IL1RAPL1: variants seen among roughly 807,000 people sequenced by gnomAD.
The protein encoded by IL1RAPL1 is interleukin-1 receptor accessory protein-like 1.
In IL1RAPL1, 3 loss-of-function variants were observed where a neutral mutation model predicts 48.4. The observed-to-expected ratio is 0.06, with a 90% confidence interval of 0.03 to 0.16. The LOEUF (loss-of-function observed/expected upper bound fraction) is 0.16, where lower values mean the gene tolerates loss of function less well. IL1RAPL1 is among the 10% of genes least tolerant of loss of function. The probability of loss-of-function intolerance (pLI) is 1.00; values close to 1 mark genes in which losing one functional copy is unlikely to be tolerated. For synonymous variants in IL1RAPL1, 185 were observed against 187.7 expected, an observed-to-expected ratio of 0.99 and a Z score of 0.12; for missense variants, 349 against 530.6, an observed-to-expected ratio of 0.66 and a Z score of 3.36.
At chrX:28,906,842 A>G (rs1425487264) in intron 2 of IL1RAPL1, among the ~76,000 whole-genome samples, 1 of 112,106 alleles carries the variant, frequency 8.9e-6, no homozygotes, top group Non-Finnish European at 1.9e-5. Context: ...TAAGTCTAAT[A>G]TATCCAGCCA....
chrX:29,164,004 A>C lies in IL1RAPL1; in HGVS notation c.83-118934A>C, dbSNP rs754013506. Among the ~76,000 whole-genome samples, 3 of 111,641 alleles carry C rather than the reference A, an allele frequency of 2.7e-5. No homozygotes were observed. In the South Asian group the frequency reaches 1.1e-3, roughly 42 times the overall value. On this transcript the variant is annotated intron_variant, in intron 2 of 10. Coordinates refer to ENST00000378993, the MANE Select transcript of IL1RAPL1 (RefSeq NM_014271.4). ...ATAGAGCTTTATTCATATTGAGCAAATGTTTCCTGTTCACTTGCCTCTAGG... is the reference window on the plus strand; with the variant it reads ...ATAGAGCTTTATTCATATTGAGCAACTGTTTCCTGTTCACTTGCCTCTAGG...
intron 2 of IL1RAPL1, among the ~76,000 whole-genome samples, chrX:29,056,750 A>G (rs933364416): frequency 7.2e-5 from 8 of 111,785 alleles, no homozygotes; most frequent in African/African-American, 2.6e-4. Flanking sequence ...TCTTAAACCC[A>G]TCATGCATTA....
At chrX:29,442,965 TTTA>T (rs1387740568) in intron 5 of IL1RAPL1, among the ~76,000 whole-genome samples, 7 of 111,792 alleles carry the variant, frequency 6.3e-5, no homozygotes, top group Non-Finnish European at 1.3e-4. Flanking sequence ...ATTTTTTCAT[TTTA>T]TTCTCATTTT....
chrX:28,679,015 T>C (rs970427276), intron 1 of IL1RAPL1, among the ~76,000 whole-genome samples: 1 of 112,072 alleles, frequency 8.9e-6, no homozygotes, highest in Non-Finnish European at 1.9e-5. Flanking sequence ...ATCTCCATAC[T>C]GTTTTCCATA....
intron 1 of IL1RAPL1, among the ~76,000 whole-genome samples, chrX:28,751,801 G>A (rs1454437208): frequency 5.4e-5 from 6 of 111,621 alleles, no homozygotes; most frequent in African/African-American, 2.0e-4. Context: ...ATCTGTGCAG[G>A]CCTAACCCTG....
chrX:29,305,262 G>A (rs1014600249), intron 3 of IL1RAPL1, among the ~76,000 whole-genome samples: 1 of 112,382 alleles, frequency 8.9e-6, no homozygotes, highest in African/African-American at 3.2e-5. Flanking sequence ...ATCTTGGTGT[G>A]TGGAGACATA....
rs202087459 is a variant in IL1RAPL1 at position 29,133,492 on chromosome X, G to GT, written c.83-149437dup. Reference sequence around the variant, plus strand: ...AATTTGAGTAGTTACTATGCTTTAGGTTTTTTTTTGGATTAATGCAGTTTA... The same window carrying GT: ...AATTTGAGTAGTTACTATGCTTTAGGTTTTTTTTTTGGATTAATGCAGTTTA... On this transcript the variant is annotated intron_variant, in intron 2 of 10. Coordinates refer to ENST00000378993, the MANE Select transcript of IL1RAPL1 (RefSeq NM_014271.4). Among the ~76,000 whole-genome samples the GT allele has an allele frequency of 5.6e-3, 613 of 109,571 alleles. 13 individuals carry two copies. The East Asian group carries it at 0.076, about 14-fold the overall frequency.
At chrX:28,663,620 G>GA (rs1201025777) in intron 1 of IL1RAPL1, among the ~76,000 whole-genome samples, 6 of 111,556 alleles carry the variant, frequency 5.4e-5, no homozygotes, top group African/African-American at 2.0e-4. Context: ...AGCATCAAAA[G>GA]AAAAAAAGAT....
chrX:29,590,956 G>C (rs7055690), intron 5 of IL1RAPL1, among the ~76,000 whole-genome samples: 6,042 of 112,309 alleles, frequency 0.054, 411 homozygotes, highest in African/African-American at 0.18. Flanking sequence ...TTTTAAAAAT[G>C]AGATAGCTAC....
At chrX:29,542,524 A>G (rs190154707) in intron 5 of IL1RAPL1, among the ~76,000 whole-genome samples, 16 of 112,525 alleles carry the variant, frequency 1.4e-4, no homozygotes, top group African/African-American at 5.2e-4. Flanking sequence ...TACTTCTTCT[A>G]TCTAACCATA....
intron 2 of IL1RAPL1, among the ~76,000 whole-genome samples, chrX:29,216,442 G>C (rs1050824016): frequency 9.0e-6 from 1 of 110,975 alleles, no homozygotes; most frequent in Non-Finnish European, 1.9e-5. Flanking sequence ...CGATCCATTT[G>C]CCTTGGCCTC....
intron 3 of IL1RAPL1, among the ~76,000 whole-genome samples, chrX:29,365,748 GA>G (rs1475609177): frequency 7.4e-5 from 8 of 107,632 alleles, no homozygotes; most frequent in Non-Finnish European, 1.2e-4. Context: ...TTTTAAAAAA[GA>G]AAGAAATGGT....
chrX:29,569,173 C>T (rs1160989947), intron 5 of IL1RAPL1, among the ~76,000 whole-genome samples: 2 of 111,186 alleles, frequency 1.8e-5, no homozygotes, highest in Non-Finnish European at 3.8e-5. Flanking sequence ...TTGGTGATTT[C>T]GACCATTGAA....
chrX:28,830,866 G>T (rs1255057420), intron 2 of IL1RAPL1, among the ~76,000 whole-genome samples: 2 of 110,138 alleles, frequency 1.8e-5, no homozygotes, highest in African/African-American at 6.6e-5. Flanking sequence ...TAATTTTGCA[G>T]AGTCTGTATT....
chrX:29,815,932 C>T (rs1930481909), intron 6 of IL1RAPL1, among the ~76,000 whole-genome samples: 1 of 110,905 alleles, frequency 9.0e-6, no homozygotes, highest in Non-Finnish European at 1.9e-5. Context: ...AGCTTGCATT[C>T]CAGAAATAAA....
chrX:29,506,111 T>G lies in IL1RAPL1; in HGVS notation c.703+106803T>G, dbSNP rs183119796. Among the ~76,000 whole-genome samples the G allele has an allele frequency of 4.0e-4, 45 of 112,332 alleles. No individual in the cohort carries two copies. The Middle Eastern group carries it at 0.023, about 58-fold the overall frequency. On this transcript the variant is annotated intron_variant, in intron 5 of 10. Transcript: ENST00000378993. ...ATTTCTCTTTGCTCAATTTTTCTAA[T>G]AAGTTTCTGAATTCACTAGAAATTT...
chrX:29,160,739 T>G (rs1929665621), intron 2 of IL1RAPL1, among the ~76,000 whole-genome samples: 1 of 112,133 alleles, frequency 8.9e-6, no homozygotes, highest in Admixed American at 9.5e-5. Flanking sequence ...GGGAGAAAAT[T>G]TAACAGTTAA....
In IL1RAPL1 at chrX:28,723,354, C is replaced by T. The variant is rs190432299; in HGVS notation, c.-24-65966C>T. 1.3e-4 allele frequency among the ~76,000 whole-genome samples: 15 copies of T among 111,427 alleles called. No individual in the cohort carries two copies. In the East Asian group the frequency reaches 4.3e-3, roughly 32 times the overall value. On this transcript the variant is annotated intron_variant, in intron 1 of 10. Coordinates refer to ENST00000378993, the MANE Select transcript of IL1RAPL1 (RefSeq NM_014271.4). ...TGTGTGTCCAGGAATTTATCCATTT[C>T]TTCTAGATTTTCTAGCTTATTTGCA...
chrX:29,478,044 A>G (rs1934997305), intron 5 of IL1RAPL1, among the ~76,000 whole-genome samples: 1 of 112,292 alleles, frequency 8.9e-6, no homozygotes, highest in Non-Finnish European at 1.9e-5. Flanking sequence ...TACCCTCACA[A>G]GCAAAAATAA....
Sources: gnomAD v4.1 joint callset for allele counts (sites outside exome capture counted in the v4.1 genomes callset) on GRCh38, gnomAD v4.1.1 for gene constraint, MANE v1.5 for transcripts, NCBI Gene and HGNC (gene_info 2026-07-23, HGNC 2026-07-21) for gene names.